Variants in PCM1 observed in about 807,000 individuals in gnomAD.
PCM1 encodes the protein pericentriolar material 1.
In PCM1, 157 loss-of-function variants were observed where a neutral mutation model predicts 241.9. That is an observed-to-expected ratio of 0.65 (90% confidence interval 0.57 to 0.74). PCM1 has a LOEUF of 0.74. PCM1 is among the 30% of genes least tolerant of loss of function. The probability of loss-of-function intolerance (pLI) is 0.00; values close to 1 mark genes in which losing one functional copy is unlikely to be tolerated. For synonymous variants in PCM1, 1,085 were observed against 784.9 expected (o/e 1.38, Z -6.39); for missense variants, 3,478 against 2,360.1 (o/e 1.47, Z -9.81).
intron 28 of PCM1, 27 bp from the exon 29 acceptor site, chr8:17,993,456 C>G (rs781270882): frequency 5.3e-5 from 79 of 1,501,892 alleles, no homozygotes; most frequent in Non-Finnish European, 6.6e-5. Flanking sequence ...CTTTGTTAGG[C>G]TAATGTATTT....
At chr8:17,971,499 G>C (rs2076843104) in intron 22 of PCM1, among the ~76,000 whole-genome samples, 1 of 152,194 alleles carries the variant, frequency 6.6e-6, no homozygotes, top group Non-Finnish European at 1.5e-5. Context: ...AATATTAAGG[G>C]ATGCTAGTGT....
chr8:17,936,190 T>C (rs1333040389), intron 3 of PCM1, among the ~76,000 whole-genome samples: 1 of 152,292 alleles, frequency 6.6e-6, no homozygotes, highest in Admixed American at 6.5e-5. Context: ...ATTTGAAATT[T>C]TGTAGTATGA....
intron 38 of PCM1, among the ~76,000 whole-genome samples, chr8:18,027,227 C>T (rs1267782628): frequency 6.6e-6 from 1 of 152,170 alleles, no homozygotes; most frequent in Non-Finnish European, 1.5e-5. Flanking sequence ...TGGTACCCTT[C>T]TCAGTTGCAG....
chr8:17,999,071 A>G (rs1335494027), intron 29 of PCM1, among the ~76,000 whole-genome samples: 3 of 152,114 alleles, frequency 2.0e-5, no homozygotes, highest in Admixed American at 6.5e-5. Context: ...GGCCCAGGGC[A>G]GGTCCAGAAA....
rs551909289 is a variant in PCM1, at chr8:17,968,730, A to ATGTGTGTGTGTGTG, written c.3413-827_3413-814dup. Among the ~76,000 whole-genome samples, 624 of 134,654 alleles carry ATGTGTGTGTGTGTG rather than the reference A, an allele frequency of 4.6e-3. 6 individuals are homozygous for ATGTGTGTGTGTGTG. The highest frequency in any genetic ancestry group is 0.014 in the African/African-American group (482 of 34,060). The allele number at this position is 134,654 out of a possible 152,430, so 88.3% of individuals were successfully genotyped here. The stretch of plus-strand genomic sequence containing the variant: ...AATGTGTATATATATGGATGTATAT[A>ATGTGTGTGTGTGTG]TGTGTGTGTGTGTGTGTGTGTGTGT... On this transcript the variant is annotated intron_variant, in intron 21 of 38. Transcript: ENST00000325083.
At position 17,957,421 on chromosome 8, in the gene PCM1, G is replaced by C. The variant is rs2069082530; in HGVS notation, c.1804G>C (p.Asp602His). 6.2e-7 allele frequency: 1 copy of C among 1,611,732 alleles called. No homozygotes were observed. Among genetic ancestry groups the C allele is most frequent in the Non-Finnish European group, 8.5e-7 (1 of 1,178,380 alleles). ...GGCTCTAAACATGCCTCCTTCTTTA[G>C]GTATGACTGACTGTATTTACATATA... ...IRALNMPPSLDCRYNREGEQE... is the reference protein window; with the variant it reads ...IRALNMPPSLHCRYNREGEQE... Residue 602 changes from aspartate to histidine, a missense_variant and splice_region_variant, in exon 12 of 39, where the codon GAT becomes CAT. Asp to His is a moderately conservative substitution (Grantham distance 81). Coordinates refer to ENST00000325083, the MANE Select transcript of PCM1 (RefSeq NM_006197.4).
At chr8:17,924,532 A>T (rs1053562993) in intron 1 of PCM1, among the ~76,000 whole-genome samples, 181 bp from the exon 2 acceptor site, 1 of 152,238 alleles carries the variant, frequency 6.6e-6, no homozygotes, top group East Asian at 1.9e-4. Flanking sequence ...GCATTTATGC[A>T]TATCACACTA....
Position 17,938,850 on chromosome 8 carries a change from C to T in PCM1, c.453C>T (p.Asn151=). The change falls in exon 5 of 39, where the codon AAC becomes AAT. Residue 151 remains asparagine, a synonymous_variant. Coordinates refer to ENST00000325083, the MANE Select transcript of PCM1 (RefSeq NM_006197.4). The part of the protein sequence containing the change: ...FNFLPMQINT[N]KSKDASTNPP... ...TTTTGCCTATGCAGATTAATACTAA[C>T]AAGAGCAAAGATGCATCTACAAACC... 1.2e-6 allele frequency: 2 copies of T among 1,613,606 alleles called. No homozygotes were observed. Among genetic ancestry groups the T allele is most frequent in the Non-Finnish European group, 1.7e-6 (2 of 1,179,540 alleles).
Position 17,938,963 on chromosome 8 carries a change from T to A in PCM1, c.566T>A (p.Val189Glu), listed in dbSNP as rs751275067. 3.7e-6 allele frequency: 6 copies of A among 1,613,748 alleles called. No individual in the cohort carries two copies. In the Admixed American group the frequency reaches 5.0e-5, roughly 13 times the overall value. The part of the protein sequence containing the change: ...LSNDLLQNCQ[V>E]SEEDGRGEPA... ...AATGACCTCTTGCAAAACTGTCAGG[T>A]GTCTGAAGAAGATGGGAGGGGAGAA... The change falls in exon 5 of 39, where the codon GTG becomes GAG. Residue 189 changes from valine (V) to glutamate (E), a missense_variant. Physicochemically the swap from Val to Glu is moderately radical, Grantham distance 121. Coordinates refer to ENST00000325083, the MANE Select transcript of PCM1 (RefSeq NM_006197.4).
At chr8:17,967,932 C>G (rs1367545599) in intron 21 of PCM1, among the ~76,000 whole-genome samples, 3 of 152,000 alleles carry the variant, frequency 2.0e-5, no homozygotes, top group East Asian at 1.9e-4. Context: ...ATGAGTGACA[C>G]TGATCCTTTA....
intron 23 of PCM1, among the ~76,000 whole-genome samples, chr8:17,976,909 G>A (rs781009479): frequency 6.7e-6 from 1 of 149,468 alleles, no homozygotes; most frequent in African/African-American, 2.5e-5. Context: ...AATAATTATA[G>A]CCTACTTCTC....
intron 2 of PCM1, among the ~76,000 whole-genome samples, chr8:17,934,190 G>C (rs2059803338): frequency 6.6e-6 from 1 of 151,882 alleles, no homozygotes; most frequent in Non-Finnish European, 1.5e-5. Context: ...TTTTTCTCTA[G>C]TGAATGGGAT....
At position 17,989,869 on chromosome 8, in the gene PCM1, A is replaced by C; in HGVS notation, c.4421A>C (p.Glu1474Ala). ...TTTACTGTAACTTAGGAAACTTTTG[A>C]GAAGAACTTTGAAAGAGAAACCCAT... ...SLATTDDETF[E>A]KNFERETHKI... Residue 1474 changes from glutamate (E) to alanine (A), a missense_variant, in exon 27 of 39, where the codon GAG (glutamate) becomes GCG (alanine). Transcript: ENST00000325083. 12 of 1,540,084 alleles carry C rather than the reference A, an allele frequency of 7.8e-6. No homozygotes were observed. Among genetic ancestry groups the C allele is most frequent in the Non-Finnish European group, 1.1e-5 (12 of 1,138,710 alleles).
chr8:18,018,871 TATATATATACACAC>T (rs1431105598), intron 36 of PCM1, among the ~76,000 whole-genome samples: 8 of 63,930 alleles, frequency 1.3e-4, no homozygotes, highest in Admixed American at 3.9e-4. Flanking sequence ...TATATATATA[TATATATATACACAC>T]ACATATACAT....
chr8:17,986,228 T>C, intron 26 of PCM1, 141 bp downstream of exon 26: 2 of 555,312 alleles, frequency 3.6e-6, no homozygotes, highest in South Asian at 7.7e-5. Flanking sequence ...TAATGTGTTA[T>C]TTTATTTTGA....
At chr8:18,015,998 C>A (rs1235306675) in intron 36 of PCM1, among the ~76,000 whole-genome samples, 1 of 152,200 alleles carries the variant, frequency 6.6e-6, no homozygotes, top group East Asian at 1.9e-4. Flanking sequence ...AGGTGATTCT[C>A]CTGCCTCAGC....
At chr8:18,012,299 CACTT>C (rs2092630065) in intron 34 of PCM1, among the ~76,000 whole-genome samples, 1 of 152,206 alleles carries the variant, frequency 6.6e-6, no homozygotes, top group Non-Finnish European at 1.5e-5. Flanking sequence ...GCTTGTTAAT[CACTT>C]AATAGCCATC....
intron 31 of PCM1, among the ~76,000 whole-genome samples, 176 bp from the exon 32 acceptor site, chr8:18,010,433 G>A (rs572717970): frequency 1.1e-3 from 162 of 152,168 alleles, no homozygotes; most frequent in African/African-American, 3.9e-3. Context: ...AATTTCAGAC[G>A]TTGCTAAGAG....
intron 7 of PCM1, 44 bp downstream of exon 7, chr8:17,947,407 TACATAA>T (rs770243566): frequency 6.6e-6 from 9 of 1,358,392 alleles, no homozygotes; most frequent in Non-Finnish European, 9.1e-6. Context: ...GGAAGACTCA[TACATAA>T]TTGTATTGCA....
Sources: allele counts gnomAD v4.1 joint callset (sites outside exome capture counted in the v4.1 genomes callset), GRCh38; gene constraint gnomAD v4.1.1; transcripts MANE v1.5; gene names NCBI Gene and HGNC (gene_info 2026-07-23, HGNC 2026-07-21).